Variants in TIAM1 observed in about 807,000 individuals in gnomAD.
TIAM1 encodes TIAM Rac1 associated GEF 1.
Under a neutral mutation model 163.5 loss-of-function variants are expected in TIAM1, and 65 were observed. The observed-to-expected ratio is 0.40, with a 90% CI of 0.33 to 0.49. TIAM1 has a LOEUF of 0.49. Ranked by LOEUF, TIAM1 falls within the 20% of genes least tolerant of loss-of-function variation. TIAM1 has a pLI of 0.77. For synonymous variants in TIAM1, 833 were observed against 810.1 expected, an observed-to-expected ratio of 1.03 and a Z score of -0.48; for missense variants, 1,789 against 2,044.7, an observed-to-expected ratio of 0.87 and a Z score of 2.41.
At chr21:31,556,060 G>C (rs2048867260) in intron 1 of TIAM1, among the ~76,000 whole-genome samples, 1 of 152,152 alleles carries the variant, frequency 6.6e-6, no homozygotes, top group Admixed American at 6.6e-5. Flanking sequence ...TAAATTGTCA[G>C]CTAATGAGAT....
intron 1 of TIAM1, among the ~76,000 whole-genome samples, chr21:31,482,095 G>A (rs964498642): frequency 2.1e-5 from 3 of 140,526 alleles, no homozygotes; most frequent in Admixed American, 1.5e-4. Context: ...GTGTGTGTGT[G>A]TATACATATA....
At chr21:31,375,019 A>G (rs1417712491) in intron 2 of TIAM1, among the ~76,000 whole-genome samples, 1 of 152,226 alleles carries the variant, frequency 6.6e-6, no homozygotes, top group Non-Finnish European at 1.5e-5. Flanking sequence ...TGGTCTTTAC[A>G]TTAGACACAG....
intron 16 of TIAM1, among the ~76,000 whole-genome samples, chr21:31,161,895 A>G (rs901489285): frequency 2.0e-5 from 3 of 152,242 alleles, no homozygotes; most frequent in African/African-American, 4.8e-5. Context: ...AGCCTTGATC[A>G]AGAAACTTCA....
At chr21:31,313,971 T>G (rs1321940099) in intron 2 of TIAM1, among the ~76,000 whole-genome samples, 1 of 152,200 alleles carries the variant, frequency 6.6e-6, no homozygotes, top group Non-Finnish European at 1.5e-5. Flanking sequence ...ACTTAACAGA[T>G]TCTCAGAAAT....
At position 31,337,159 on chromosome 21, in the gene TIAM1, T is replaced by G. The variant is rs111547346; in HGVS notation, c.-189+2084A>C. Among the ~76,000 whole-genome samples the G allele has an allele frequency of 8.7e-4, 132 of 152,192 alleles. 2 individuals are homozygous for G. In the Middle Eastern group the frequency reaches 0.027, roughly 31 times the overall value. ...GAGAAGTCATGTATACGTTTTTGAT[T>G]AGGAAGTGTTTTCAGAGAAAACCAG... On this transcript the variant is annotated intron_variant, in intron 2 of 27. Coordinates refer to ENST00000541036, the MANE Select transcript of TIAM1 (RefSeq NM_001353694.2).
intron 2 of TIAM1, among the ~76,000 whole-genome samples, chr21:31,419,374 T>C (rs2043486359): frequency 6.6e-6 from 1 of 152,170 alleles, no homozygotes; most frequent in Non-Finnish European, 1.5e-5. Context: ...ACGCACCTTG[T>C]AGAGCGATGT....
intron 6 of TIAM1, among the ~76,000 whole-genome samples, chr21:31,231,117 C>T (rs1043793337): frequency 2.0e-5 from 3 of 152,020 alleles, no homozygotes; most frequent in South Asian, 2.1e-4. Context: ...ATTCTTGCCC[C>T]GTTGCCACGG....
At chr21:31,394,527 T>A (rs1258130084) in intron 2 of TIAM1, among the ~76,000 whole-genome samples, 4 of 152,080 alleles carry the variant, frequency 2.6e-5, no homozygotes, top group Non-Finnish European at 5.9e-5. Flanking sequence ...CAGTTGAATG[T>A]TGGTTTTCTG....
chr21:31,389,398 AG>A (rs1197341432), intron 2 of TIAM1, among the ~76,000 whole-genome samples: 3 of 152,070 alleles, frequency 2.0e-5, no homozygotes, highest in Non-Finnish European at 4.4e-5. Context: ...TAGTAGAGAC[AG>A]GGTTTCGCCA....
intron 2 of TIAM1, among the ~76,000 whole-genome samples, chr21:31,410,284 T>G (rs553795454): frequency 6.6e-6 from 1 of 151,986 alleles, no homozygotes; most frequent in South Asian, 2.1e-4. Context: ...TCAGACTGTG[T>G]GTCTGATAGT....
intron 2 of TIAM1, among the ~76,000 whole-genome samples, chr21:31,445,156 G>A (rs973202604): frequency 7.1e-5 from 5 of 70,394 alleles, no homozygotes; most frequent in African/African-American, 2.6e-4. Flanking sequence ...ATCAAATGTC[G>A]CAGGCTAATG....
At chr21:31,343,124 A>T (rs2076068576) in intron 1 of TIAM1, among the ~76,000 whole-genome samples, 1 of 152,204 alleles carries the variant, frequency 6.6e-6, no homozygotes, top group Non-Finnish European at 1.5e-5. Flanking sequence ...CATTCTCATG[A>T]AGGATTCGCT....
At chr21:31,154,571 A>G (rs1252752864) in intron 16 of TIAM1, 145 bp from the exon 17 acceptor site, 2 of 794,130 alleles carry the variant, frequency 2.5e-6, no homozygotes, top group Non-Finnish European at 3.9e-6. Flanking sequence ...ATTGCTCCAC[A>G]TTTAGGAGAG....
In TIAM1 at chr21:31,395,109, G is replaced by A. The variant is rs1019513978; in HGVS notation, c.-368-55687C>T. ...AAACATTAGCCAGGCATGGTGGCGC[G>A]TGCCTGTAGTCCCAGCTACTTGGGA... On this transcript the variant is annotated intron_variant, in intron 2 of 28. Transcript: ENST00000286827. This position sits in a 1 kb window ranked among gnomAD's most constrained non-coding sequence, Gnocchi z 7.5. 2.6e-5 allele frequency among the ~76,000 whole-genome samples: 4 copies of A among 152,030 alleles called. No homozygotes were observed. Among genetic ancestry groups the A allele is most frequent in the African/African-American group, 7.2e-5 (3 of 41,394 alleles).
chr21:31,539,203 C>A (rs929465015), intron 1 of TIAM1, among the ~76,000 whole-genome samples: 13 of 148,534 alleles, frequency 8.8e-5, no homozygotes, highest in Non-Finnish European at 1.6e-4. Context: ...AATAAAATAC[C>A]TTTGACAGAG....
chr21:31,397,985 C>G (rs1399145199), intron 2 of TIAM1, among the ~76,000 whole-genome samples: 1 of 151,998 alleles, frequency 6.6e-6, no homozygotes, highest in African/African-American at 2.4e-5. Flanking sequence ...CTGTGCAGAT[C>G]TGCACAGACT....
chr21:31,450,347 G>A (rs2044781993), intron 2 of TIAM1, among the ~76,000 whole-genome samples: 1 of 152,198 alleles, frequency 6.6e-6, no homozygotes, highest in Non-Finnish European at 1.5e-5. Context: ...TCTGCAAGAA[G>A]CAGGTCGTGC....
intron 1 of TIAM1, among the ~76,000 whole-genome samples, chr21:31,467,870 G>A (rs1159401648): frequency 6.6e-5 from 10 of 151,796 alleles, no homozygotes; most frequent in Middle Eastern, 3.4e-3. Context: ...GGGGGATCAC[G>A]AGGTCAGGAG....
Position 31,286,704 on chromosome 21 carries a change from T to G in TIAM1, c.-188-9796A>C, listed in dbSNP as rs114976891. On this transcript the variant is annotated intron_variant, in intron 2 of 27. Coordinates refer to ENST00000541036, the MANE Select transcript of TIAM1 (RefSeq NM_001353694.2). ...CTCCACCCTAGGCAACAGAGAGAGA[T>G]CCTGTCTCAACAAATTGTGTGTGTG... Among the ~76,000 whole-genome samples the G allele has an allele frequency of 9.6e-3, 1,463 of 152,186 alleles. 32 individuals carry two copies. The highest frequency in any genetic ancestry group is 0.033 in the African/African-American group (1,378 of 41,534).
Sources: gnomAD v4.1 joint callset for allele counts (sites outside exome capture counted in the v4.1 genomes callset) on GRCh38, gnomAD v4.1.1 for gene constraint, Gnocchi (gnomAD v3.1) non-coding constraint, MANE v1.5 for transcripts, NCBI Gene and HGNC (gene_info 2026-07-23, HGNC 2026-07-21) for gene names.